The following RBM6 variants were observed in gnomAD, a reference collection of about 807,000 sequenced individuals.
The protein encoded by RBM6 is RNA-binding protein 6.
A neutral mutation model predicts 140.4 loss-of-function variants in RBM6; 23 were observed. The ratio of observed to expected loss-of-function variants is 0.16; its 90% CI spans 0.12 to 0.23. RBM6 has a LOEUF of 0.23. RBM6 is among the 10% of genes least tolerant of loss of function. RBM6 has a pLI of 1.00. For synonymous variants in RBM6, 439 were observed against 475.6 expected (o/e 0.92, Z 1.00); for missense variants, 1,139 against 1,386.7 (o/e 0.82, Z 2.84).
intron 1 of RBM6, among the ~76,000 whole-genome samples, chr3:49,958,577 A>G (rs2084119842): frequency 1.3e-5 from 2 of 150,292 alleles, no homozygotes; most frequent in South Asian, 4.2e-4. Flanking sequence ...CTGTCTCAAA[A>G]ACAAAAAACA....
intron 6 of RBM6, among the ~76,000 whole-genome samples, chr3:50,013,870 TCTC>T (rs1366399679): frequency 6.6e-6 from 1 of 152,104 alleles, no homozygotes; most frequent in Non-Finnish European, 1.5e-5. Flanking sequence ...GACATGCTCT[TCTC>T]CTCCCCAACC....
chr3:50,006,073 T>A (rs1325199771), intron 6 of RBM6, among the ~76,000 whole-genome samples: 1 of 152,094 alleles, frequency 6.6e-6, no homozygotes, highest in African/African-American at 2.4e-5. Context: ...TGAGACTTTT[T>A]TTTTTGAGAT....
chr3:49,983,321 CT>C lies in RBM6; in HGVS notation c.1483+7930del, dbSNP rs915812372. ...CCATTGTGAAACTCGAGAATTGACA[CT>C]GATGATATAAAACATGCACAGTAGC... On this transcript the variant is annotated intron_variant, in intron 5 of 20. Transcript: ENST00000266022. Among the ~76,000 whole-genome samples the C allele has an allele frequency of 9.2e-5, 14 of 152,190 alleles. No individual in the cohort carries two copies. In the East Asian group the frequency reaches 1.5e-3, roughly 17 times the overall value.
intron 8 of RBM6, 57 bp from the exon 9 acceptor site, chr3:50,057,671 T>A (rs558763902): frequency 5.9e-6 from 1 of 168,600 alleles, no homozygotes; most frequent in Non-Finnish European, 1.1e-5. Flanking sequence ...GTGTTTTTTC[T>A]TTTTTTTTTT....
intron 6 of RBM6, among the ~76,000 whole-genome samples, chr3:50,012,939 C>T (rs1338478032): frequency 6.6e-6 from 1 of 151,446 alleles, no homozygotes; most frequent in Non-Finnish European, 1.5e-5. Flanking sequence ...GACCAGGTTC[C>T]TCCATGTTGG....
At chr3:50,060,076 GGA>G (rs1401669063) in intron 11 of RBM6, among the ~76,000 whole-genome samples, 2 of 152,110 alleles carry the variant, frequency 1.3e-5, no homozygotes, top group Non-Finnish European at 2.9e-5. Context: ...CATGAGCCCA[GGA>G]GTTCTAGGCC....
intron 6 of RBM6, among the ~76,000 whole-genome samples, chr3:50,008,097 C>T (rs1362275202): frequency 6.6e-6 from 1 of 152,036 alleles, no homozygotes; most frequent in African/African-American, 2.4e-5. Flanking sequence ...TGCTGTCTCT[C>T]AAAGCAAAAC....
At chr3:50,021,653 T>A (rs116853884) in intron 6 of RBM6, among the ~76,000 whole-genome samples, 1 of 138,724 alleles carries the variant, frequency 7.2e-6, no homozygotes, top group South Asian at 2.5e-4. Context: ...AATAAATAAA[T>A]AAACAAATAA....
chr3:49,984,601 ACATCACATCACATCGCATCG>A (rs1480843478), intron 5 of RBM6, among the ~76,000 whole-genome samples: 2 of 91,692 alleles, frequency 2.2e-5, no homozygotes, highest in East Asian at 2.1e-4. Context: ...ACATCACATC[ACATCACATCACATCGCATCG>A]CATCGCATCG....
At chr3:50,065,728 C>T (rs2090101004) in intron 16 of RBM6, 1 of 441,170 alleles carries the variant, frequency 2.3e-6, no homozygotes, top group African/African-American at 2.0e-5. Flanking sequence ...ATAAGGTACC[C>T]TTTTCCTGCT....
intron 5 of RBM6, among the ~76,000 whole-genome samples, chr3:49,975,923 T>C (rs2085043732): frequency 6.6e-6 from 1 of 152,192 alleles, no homozygotes; most frequent in Admixed American, 6.6e-5. Flanking sequence ...TTCTGTGGTC[T>C]GAATGGTAGA....
In RBM6 at chr3:49,999,139, C is replaced by G. The variant is rs76374829; in HGVS notation, c.1484-301C>G. On this transcript the variant is annotated intron_variant, in intron 5 of 20. Coordinates refer to ENST00000266022, the MANE Select transcript of RBM6 (RefSeq NM_005777.3). ...AATGTTTCGGGTCCCCACGTGAACT[C>G]TCTGTGGGATTACCCAATTCTGGGG... Among the ~76,000 whole-genome samples the G allele has an allele frequency of 8.3e-3, 1,254 of 150,848 alleles. 6 individuals carry two copies. Among genetic ancestry groups the G allele is most frequent in the Middle Eastern group, 0.027 (8 of 292 alleles).
At chr3:50,040,802 G>T (rs574897284) in intron 6 of RBM6, among the ~76,000 whole-genome samples, 1 of 151,688 alleles carries the variant, frequency 6.6e-6, no homozygotes, top group Non-Finnish European at 1.5e-5. Flanking sequence ...GATAACAGGC[G>T]CACACTACCA....
chr3:49,972,288 A>G (rs1335056129), intron 4 of RBM6, 140 bp downstream of exon 4: 1 of 665,844 alleles, frequency 1.5e-6, no homozygotes, highest in Admixed American at 3.0e-5. Context: ...ATCTTCCCTC[A>G]GTGTTAATAT....
At chr3:49,978,148 G>A (rs917179824) in intron 5 of RBM6, among the ~76,000 whole-genome samples, 5 of 151,982 alleles carry the variant, frequency 3.3e-5, no homozygotes, top group Admixed American at 1.3e-4. Context: ...CTACAGGTGC[G>A]TACCACCATG....
chr3:50,057,609 AG>A, intron 8 of RBM6, 118 bp from the exon 9 acceptor site: 4 of 517,138 alleles, frequency 7.7e-6, no homozygotes, highest in South Asian at 2.5e-5. Flanking sequence ...AAAAAAAAAA[AG>A]GCATTCCAGT....
In RBM6 at chr3:50,065,133, C is replaced by A. The variant is rs775712391; in HGVS notation, c.2682+7C>A. On this transcript the variant is annotated splice_region_variant and intron_variant, in intron 16 of 20. Coordinates refer to ENST00000266022, the MANE Select transcript of RBM6 (RefSeq NM_005777.3). Reference sequence around the variant, plus strand: ...GGAAGAGAGTCCCCCTCCAGTAAGACCAACATTGATCCCCTGGACCTAGGG... The same window carrying A: ...GGAAGAGAGTCCCCCTCCAGTAAGAACAACATTGATCCCCTGGACCTAGGG... The A allele has an allele frequency of 4.4e-6, 7 of 1,598,630 alleles. No homozygotes were observed. The Admixed American group carries it at 1.0e-4, about 23-fold the overall frequency.
At chr3:50,057,006 T>A (rs1575831235) in intron 8 of RBM6, among the ~76,000 whole-genome samples, 1 of 152,180 alleles carries the variant, frequency 6.6e-6, no homozygotes, top group Admixed American at 6.6e-5. Context: ...AGATGTGTGT[T>A]TGGGATATGT....
intron 6 of RBM6, among the ~76,000 whole-genome samples, chr3:50,012,051 A>G (rs989566165): frequency 6.6e-6 from 1 of 151,734 alleles, no homozygotes; most frequent in Non-Finnish European, 1.5e-5. Flanking sequence ...AGGTCTTGCT[A>G]TATTGTCCAG....
Sources: gnomAD v4.1 joint callset for allele counts (sites outside exome capture counted in the v4.1 genomes callset) on GRCh38, gnomAD v4.1.1 for gene constraint, MANE v1.5 for transcripts, NCBI Gene and HGNC (gene_info 2026-07-23, HGNC 2026-07-21) for gene names.